KCND3: variants seen among roughly 807,000 people sequenced by gnomAD.
The protein encoded by KCND3 is potassium voltage-gated channel subfamily D member 3.
In KCND3, 9 loss-of-function variants were observed where a neutral mutation model predicts 51.1. That is an observed-to-expected ratio of 0.18 (90% CI 0.11 to 0.31). The LOEUF (loss-of-function observed/expected upper bound fraction) is 0.31. Ranked by LOEUF, KCND3 falls within the 10% of genes least tolerant of loss-of-function variation. The pLI is 1.00. For synonymous variants in KCND3, 349 were observed against 368.0 expected (o/e 0.95, Z 0.59); for missense variants, 526 against 903.8 (o/e 0.58, Z 5.36).
chr1:111,800,723 A>G (rs1400583727), intron 2 of KCND3, among the ~76,000 whole-genome samples: 2 of 152,194 alleles, frequency 1.3e-5, no homozygotes, highest in East Asian at 3.9e-4. Context: ...AGAGGCTGTG[A>G]AGCCACTTGC....
intron 2 of KCND3, among the ~76,000 whole-genome samples, chr1:111,970,381 T>C (rs565394880): frequency 1.3e-5 from 2 of 152,358 alleles, no homozygotes; most frequent in Non-Finnish European, 2.9e-5. Flanking sequence ...GTCTTTGGCC[T>C]CCAGCATGAT....
intron 2 of KCND3, among the ~76,000 whole-genome samples, chr1:111,948,397 G>A (rs554237935): frequency 6.6e-6 from 1 of 152,380 alleles, no homozygotes; most frequent in African/African-American, 2.4e-5. Flanking sequence ...CTCCTGAGGT[G>A]GCGTAGGGAG....
At chr1:111,894,201 T>G (rs949894832) in intron 2 of KCND3, among the ~76,000 whole-genome samples, 1 of 152,160 alleles carries the variant, frequency 6.6e-6, no homozygotes, top group African/African-American at 2.4e-5. Context: ...CCCCACTTGT[T>G]CACTCTGCTC....
intron 2 of KCND3, among the ~76,000 whole-genome samples, chr1:111,842,114 C>T (rs988205368): frequency 2.6e-5 from 4 of 152,102 alleles, no homozygotes; most frequent in Non-Finnish European, 5.9e-5. Context: ...TGTGGGTCCC[C>T]AGTGTCAACC....
intron 2 of KCND3, among the ~76,000 whole-genome samples, chr1:111,864,665 C>T (rs1668476064): frequency 6.6e-6 from 1 of 152,140 alleles, no homozygotes; most frequent in East Asian, 1.9e-4. Flanking sequence ...CCACTAAGGA[C>T]AGTTCCTGGG....
chr1:111,845,632 C>T (rs994684406), intron 2 of KCND3, among the ~76,000 whole-genome samples: 2 of 152,148 alleles, frequency 1.3e-5, no homozygotes, highest in Admixed American at 6.5e-5. Context: ...CTGTGAGCCA[C>T]GTGTGGTTCC....
intron 2 of KCND3, among the ~76,000 whole-genome samples, chr1:111,978,771 G>A (rs1447099641): frequency 3.3e-5 from 5 of 152,214 alleles, no homozygotes; most frequent in African/African-American, 1.2e-4. Flanking sequence ...GAGAGGACAA[G>A]TAGGTCTAGA....
At position 111,771,319 on chromosome 1, in the gene KCND3, A is replaced by G. The variant is rs1663902487; in HGVS notation, c.*4758T>C. On this transcript the variant is annotated 3_prime_UTR_variant, in exon 8 of 8. Coordinates refer to ENST00000302127, the MANE Select transcript of KCND3 (RefSeq NM_001378969.1). ...GCTCCGAGGGTCATGGGTCATAACA[A>G]TGTTTTTCCTTCATCTAGTCATTTT... 1 of 152,180 alleles carries G rather than the reference A, an allele frequency of 6.6e-6. No homozygotes were observed. Among genetic ancestry groups the G allele is most frequent in the East Asian group, 1.9e-4 (1 of 5,198 alleles). 9.4% of individuals were successfully genotyped at this position (152,180 alleles called of 1,614,324 possible). A position where few individuals can be genotyped will look rare whatever the true frequency, so the allele number is the denominator to read the frequency against.
intron 2 of KCND3, among the ~76,000 whole-genome samples, chr1:111,930,159 GT>G (rs769416391): frequency 4.6e-4 from 67 of 145,978 alleles, no homozygotes; most frequent in East Asian, 1.4e-3. Context: ...TTCGGTTTTT[GT>G]TTTTTTTTTT....
chr1:111,780,507 T>C lies in KCND3; in HGVS notation c.1371+183A>G, dbSNP rs1033046704. ...CCTTGGTCTAAACCTGGTTTAGAGG[T>C]AGTGGTGATAATCCTATGGAAGTGG... On this transcript the variant is annotated intron_variant, in intron 4 of 7. Coordinates refer to ENST00000302127, the MANE Select transcript of KCND3 (RefSeq NM_001378969.1). This position sits in a 1 kb window ranked among gnomAD's most constrained non-coding sequence, Gnocchi z 4.2. Among the ~76,000 whole-genome samples, 15 of 151,896 alleles carry C rather than the reference T, an allele frequency of 9.9e-5. No individual in the cohort carries two copies. Among genetic ancestry groups the C allele is most frequent in the Non-Finnish European group, 1.9e-4 (13 of 67,976 alleles).
intron 2 of KCND3, among the ~76,000 whole-genome samples, chr1:111,888,168 C>T (rs890805040): frequency 1.3e-5 from 2 of 152,204 alleles, no homozygotes; most frequent in African/African-American, 2.4e-5. Flanking sequence ...ATGGGACTTA[C>T]GCAGTGGATG....
In KCND3 at chr1:111,988,055, C is replaced by T. The variant is rs114604032; in HGVS notation, c.-73+1450G>A. 2.7e-3 allele frequency among the ~76,000 whole-genome samples: 407 copies of T among 152,282 alleles called. 2 individuals are homozygous for T. Among genetic ancestry groups the T allele is most frequent in the African/African-American group, 9.0e-3 (372 of 41,564 alleles). On this transcript the variant is annotated intron_variant, in intron 1 of 7. Coordinates refer to ENST00000302127, the MANE Select transcript of KCND3 (RefSeq NM_001378969.1). ...CTGGGGTTTGACACCTAGCTGAGTACAGGCATAAGGCAGCAAAAAAAGTCA... is the reference window on the plus strand; with the variant it reads ...CTGGGGTTTGACACCTAGCTGAGTATAGGCATAAGGCAGCAAAAAAAGTCA...
intron 2 of KCND3, among the ~76,000 whole-genome samples, chr1:111,937,997 C>A (rs1353836413): frequency 1.3e-5 from 2 of 152,254 alleles, no homozygotes; most frequent in African/African-American, 4.8e-5. Flanking sequence ...TGAAGCCCAG[C>A]CTTCAAAGCC....
At chr1:111,822,743 G>T (rs1666406635) in intron 2 of KCND3, among the ~76,000 whole-genome samples, 1 of 152,144 alleles carries the variant, frequency 6.6e-6, no homozygotes, top group Non-Finnish European at 1.5e-5. Flanking sequence ...CACCAGAAGT[G>T]GAATTGCTGG....
At chr1:111,836,562 G>T (rs1667075247) in intron 2 of KCND3, among the ~76,000 whole-genome samples, 1 of 152,092 alleles carries the variant, frequency 6.6e-6, no homozygotes, top group African/African-American at 2.4e-5. Context: ...GTGAGGGTGG[G>T]CTTTTTCTCT....
chr1:111,869,211 C>T (rs763122075), intron 2 of KCND3, among the ~76,000 whole-genome samples: 15 of 152,082 alleles, frequency 9.9e-5, no homozygotes, highest in African/African-American at 2.4e-4. Context: ...TTTGCTTTAT[C>T]GATTTCAGAC....
At chr1:111,836,025 G>A (rs545327350) in intron 2 of KCND3, among the ~76,000 whole-genome samples, 1 of 152,036 alleles carries the variant, frequency 6.6e-6, no homozygotes, top group Admixed American at 6.5e-5. Flanking sequence ...TGATTACCTT[G>A]CTGTTGCTTT....
chr1:111,929,150 C>G (rs759618867), intron 2 of KCND3, among the ~76,000 whole-genome samples: 23 of 152,210 alleles, frequency 1.5e-4, no homozygotes, highest in Non-Finnish European at 3.1e-4. Flanking sequence ...ATCAGGTATT[C>G]TCACACCAAC....
In KCND3 at chr1:111,982,199, G is replaced by C. The variant is rs370342092; in HGVS notation, c.528C>G (p.Pro176=). 3 of 1,613,968 alleles carry C rather than the reference G, an allele frequency of 1.9e-6. No homozygotes were observed. Among genetic ancestry groups the C allele is most frequent in the Non-Finnish European group, 1.7e-6 (2 of 1,180,018 alleles). The change falls in exon 2 of 8, where the codon CCC becomes CCG. Residue 176 remains proline (P), a synonymous_variant. Transcript: ENST00000302127. The surrounding 1 kb of genome is among the most constrained non-coding windows in gnomAD (Gnocchi z 8.5). ...RQTMWRAFEN[P]HTSTLALVFY... is the part of the protein sequence containing the mutation. ...AGACCAGGGCCAGCGTGCTGGTGTGGGGGTTCTCGAAGGCCCGCCACATGG... is the reference window on the plus strand; with the variant it reads ...AGACCAGGGCCAGCGTGCTGGTGTGCGGGTTCTCGAAGGCCCGCCACATGG...
Sources: allele counts gnomAD v4.1 joint callset (sites outside exome capture counted in the v4.1 genomes callset), GRCh38; gene constraint gnomAD v4.1.1; non-coding constraint Gnocchi (gnomAD v3.1); transcripts MANE v1.5; gene names NCBI Gene and HGNC (gene_info 2026-07-23, HGNC 2026-07-21).